The following FBLN1 variants were observed in gnomAD, a reference collection of about 807,000 sequenced individuals.
FBLN1 encodes the protein fibulin 1.
FBLN1 carries 34 observed loss-of-function variants against 89.7 expected under a neutral mutation model. The observed-to-expected ratio is 0.38, with a 90% CI of 0.29 to 0.50. FBLN1 has a LOEUF of 0.50. Among genes scored for constraint, FBLN1 ranks in the 20% least tolerant of loss-of-function variants. The pLI is 0.92. For missense variants in FBLN1, 777 were observed against 988.1 expected (o/e 0.79, Z 2.86); for synonymous variants, 393 against 391.3 (o/e 1.00, Z -0.05).
intron 1 of FBLN1, among the ~76,000 whole-genome samples, chr22:45,503,879 C>T (rs1478211358): frequency 6.6e-6 from 1 of 152,192 alleles, no homozygotes; most frequent in Non-Finnish European, 1.5e-5. Flanking sequence ...ACCCAGCCCG[C>T]GCTTTTCTCC....
In FBLN1 at chr22:45,537,614, T is replaced by C. The variant is rs1323150073; in HGVS notation, c.922+2277T>C. ...CAGCCTGGACAACAGAGCAAGACTC[T>C]GTGTCAAAAAAAAAAAAAAAGATAA... On this transcript the variant is annotated intron_variant, in intron 8 of 16. Coordinates refer to ENST00000327858, the MANE Select transcript of FBLN1 (RefSeq NM_006486.3). This position sits in a 1 kb window ranked among gnomAD's most constrained non-coding sequence, Gnocchi z 5.7. Among the ~76,000 whole-genome samples the C allele has an allele frequency of 7.4e-6, 1 of 134,696 alleles. No individual in the cohort carries two copies. Among genetic ancestry groups the C allele is most frequent in the African/African-American group, 2.7e-5 (1 of 36,900 alleles). 88.4% of individuals were successfully genotyped at this position (134,696 alleles called of 152,430 possible). A position where few individuals can be genotyped will look rare whatever the true frequency, so the allele number is the denominator to read the frequency against.
At chr22:45,509,121 C>T (rs1852550185) in intron 1 of FBLN1, among the ~76,000 whole-genome samples, 1 of 152,036 alleles carries the variant, frequency 6.6e-6, no homozygotes, top group Non-Finnish European at 1.5e-5. Flanking sequence ...GTTCCAAATG[C>T]CAGGTGCAGA....
At chr22:45,522,708 C>T (rs2088267270) in intron 2 of FBLN1, among the ~76,000 whole-genome samples, 1 of 152,190 alleles carries the variant, frequency 6.6e-6, no homozygotes, top group African/African-American at 2.4e-5. Flanking sequence ...CCTTGGGATC[C>T]AGATCTAAAT....
chr22:45,540,242 G>A (rs1277884499), intron 8 of FBLN1, among the ~76,000 whole-genome samples: 1 of 152,178 alleles, frequency 6.6e-6, no homozygotes, highest in Non-Finnish European at 1.5e-5. Context: ...TTCAGTCTCC[G>A]GACCTTGGTT....
chr22:45,545,475 C>T lies in FBLN1; in HGVS notation c.1322-1610C>T, dbSNP rs1030566067. ...GTAGTGGGATTCCTGGCTTGTGCTTCCTCTAGTCATTCATAAATTGCTGAA... is the reference window on the plus strand; with the variant it reads ...GTAGTGGGATTCCTGGCTTGTGCTTTCTCTAGTCATTCATAAATTGCTGAA... On this transcript the variant is annotated intron_variant, in intron 11 of 16. Coordinates refer to ENST00000327858, the MANE Select transcript of FBLN1 (RefSeq NM_006486.3). This position sits in a 1 kb window ranked among gnomAD's most constrained non-coding sequence, Gnocchi z 5.9. Among the ~76,000 whole-genome samples the T allele has an allele frequency of 6.6e-6, 1 of 152,188 alleles. No homozygotes were observed. The highest frequency in any genetic ancestry group is 2.4e-5 in the African/African-American group (1 of 41,446).
Position 45,546,301 on chromosome 22 carries a change from T to TCC in FBLN1, c.1322-783_1322-782insCC, listed in dbSNP as rs2088626327. 5.9e-5 allele frequency among the ~76,000 whole-genome samples: 9 copies of TCC among 152,348 alleles called. No homozygotes were observed. In the South Asian group the frequency reaches 1.9e-3, roughly 32 times the overall value. On this transcript the variant is annotated intron_variant, in intron 11 of 16. Transcript: ENST00000327858. The stretch of plus-strand genomic sequence containing the variant: ...GGTGTGATCTTGGCTCACTGCAACC[T>TCC]CTGCCTCCTTGTTCAAGCAATTCTC...
Position 45,600,348 on chromosome 22 carries a change from G to A in FBLN1, c.2014G>A (p.Ala672Thr). Residue 672 changes from alanine (A) to threonine (T), a missense_variant, in exon 17 of 17, where the codon GCC (alanine) becomes ACC (threonine). By Grantham distance (58) the Ala-to-Thr change is moderately conservative. Transcript: ENST00000327858. Reference protein sequence around the residue: ...QVRPIVGPFHAVLKLEMNYVV... With the variant: ...QVRPIVGPFHTVLKLEMNYVV... ...GCGGCCCATCGTGGGCCCATTTCAT[G>A]CCGTCCTGAAGCTGGAGATGAACTA... 6.2e-7 allele frequency: 1 copy of A among 1,614,186 alleles called. No homozygotes were observed. Among genetic ancestry groups the A allele is most frequent in the Non-Finnish European group, 8.5e-7 (1 of 1,180,038 alleles).
intron 16 of FBLN1, among the ~76,000 whole-genome samples, chr22:45,587,866 C>T (rs1399559845): frequency 6.6e-6 from 1 of 152,184 alleles, no homozygotes; most frequent in East Asian, 1.9e-4. Context: ...GCCGTCCACA[C>T]GCTCCACATG....
At chr22:45,516,063 C>G (rs1000321523) in intron 1 of FBLN1, among the ~76,000 whole-genome samples, 7 of 152,062 alleles carry the variant, frequency 4.6e-5, no homozygotes, top group Non-Finnish European at 2.9e-5. Flanking sequence ...AGACATGCGC[C>G]AGGCACGGGG....
Position 45,557,807 on chromosome 22 carries a change from C to G in FBLN1, c.1697+7192C>G, listed in dbSNP as rs2088807542. Among the ~76,000 whole-genome samples, 1 of 152,194 alleles carries G rather than the reference C, an allele frequency of 6.6e-6. No individual in the cohort carries two copies. The highest frequency in any genetic ancestry group is 1.5e-5 in the Non-Finnish European group (1 of 68,036). On this transcript the variant is annotated intron_variant, in intron 14 of 16. Coordinates refer to ENST00000327858, the MANE Select transcript of FBLN1 (RefSeq NM_006486.3). The surrounding 1 kb of genome is among the most constrained non-coding windows in gnomAD (Gnocchi z 4.9). ...TTTTCCAATCATGCTTCTTCCAAGTCCCTGACCATCCAGCCAAACCATTGG... is the reference window on the plus strand; with the variant it reads ...TTTTCCAATCATGCTTCTTCCAAGTGCCTGACCATCCAGCCAAACCATTGG...
At chr22:45,523,240 G>C (rs747606128) in intron 2 of FBLN1, 1 of 747,848 alleles carries the variant, frequency 1.3e-6, no homozygotes, top group Admixed American at 1.8e-5. Flanking sequence ...GGCTGGAGTG[G>C]AGCCAGCAAC....
chr22:45,521,571 T>C (rs79025397), intron 2 of FBLN1, among the ~76,000 whole-genome samples: 5,636 of 152,302 alleles, frequency 0.037, 148 homozygotes, highest in Non-Finnish European at 0.054. Flanking sequence ...TTTACCCTGT[T>C]CTCACTGGGG....
rs544195932 is a variant in FBLN1, at chr22:45,581,696, G to A, written c.1972+4588G>A. On this transcript the variant is annotated intron_variant, in intron 16 of 16. Coordinates refer to ENST00000327858, the MANE Select transcript of FBLN1 (RefSeq NM_006486.3). This position sits in a 1 kb window ranked among gnomAD's most constrained non-coding sequence, Gnocchi z 7.6. Reference sequence around the variant, plus strand: ...CTCCTGTCGCACGGGCATGACCATGGGGCAGTCAGGGGAGGCTTCCTGGAA... The same window carrying A: ...CTCCTGTCGCACGGGCATGACCATGAGGCAGTCAGGGGAGGCTTCCTGGAA... Among the ~76,000 whole-genome samples, 5 of 152,198 alleles carry A rather than the reference G, an allele frequency of 3.3e-5. No individual in the cohort carries two copies. The East Asian group carries it at 9.8e-4, about 30-fold the overall frequency.
rs1329131652 is a variant in FBLN1, at chr22:45,532,774, C to A, written c.545-289C>A. ...TGTCTGTGACCGGCAGTGAGCTCTT[C>A]TCTGCTTCGCCCCTTCCAGGTCCAC... On this transcript the variant is annotated intron_variant, in intron 5 of 16. Transcript: ENST00000327858. This position sits in a 1 kb window ranked among gnomAD's most constrained non-coding sequence, Gnocchi z 4.2. 3.9e-6 allele frequency: 2 copies of A among 518,026 alleles called. No homozygotes were observed. The allele number at this position is 518,026 out of a possible 1,614,324, so 32.1% of individuals were successfully genotyped here. A position where few individuals can be genotyped will look rare whatever the true frequency, so the allele number is the denominator to read the frequency against.
Position 45,600,588 on chromosome 22 carries a change from C to CT in FBLN1, c.*142_*143insT. 2.1e-6 allele frequency: 2 copies of CT among 944,852 alleles called. No individual in the cohort carries two copies. The highest frequency in any genetic ancestry group is 3.4e-6 in the Non-Finnish European group (2 of 580,012). 58.5% of individuals were successfully genotyped at this position (944,852 alleles called of 1,614,324 possible). A position where few individuals can be genotyped will look rare whatever the true frequency, so the allele number is the denominator to read the frequency against. ...TTAGGCCAACATGTATTAAGCTGAG[C>CT]CAGATGAATAAGTCCATCTGATGTA... On this transcript the variant is annotated 3_prime_UTR_variant, in exon 17 of 17. Coordinates refer to ENST00000327858, the MANE Select transcript of FBLN1 (RefSeq NM_006486.3).
chr22:45,552,574 A>C (rs1418479998), intron 14 of FBLN1, among the ~76,000 whole-genome samples: 1 of 152,228 alleles, frequency 6.6e-6, no homozygotes. Context: ...TAAAATCTAA[A>C]AGAGCCATAT....
chr22:45,595,039 G>A (rs2146668669), intron 16 of FBLN1, among the ~76,000 whole-genome samples: 1 of 152,352 alleles, frequency 6.6e-6, no homozygotes, highest in South Asian at 2.1e-4. Flanking sequence ...CTTTCATGAA[G>A]TCCTCCCTAG....
In FBLN1 at chr22:45,562,795, C is replaced by G; in HGVS notation, c.1698-11716C>G. ...GTGCCCTTCGTGTTGGCTGAATCGG[C>G]CAGAGGGGCGGCGGGAGGCCCCGCC... On this transcript the variant is annotated intron_variant, in intron 14 of 16. Transcript: ENST00000327858. This position sits in a 1 kb window ranked among gnomAD's most constrained non-coding sequence, Gnocchi z 7.8. 1 of 1,007,952 alleles carries G rather than the reference C, an allele frequency of 9.9e-7. No individual in the cohort carries two copies. The highest frequency in any genetic ancestry group is 1.7e-5 in the Admixed American group (1 of 59,088). 62.4% of individuals were successfully genotyped at this position (1,007,952 alleles called of 1,614,324 possible).
Position 45,530,529 on chromosome 22 carries a change from T to C in FBLN1, c.485-736T>C, listed in dbSNP as rs1263561135. ...CAGACCAGTGCTGGCCTGCGACAAA[T>C]AAGTACAGAAATGGAGAATAACCCT... On this transcript the variant is annotated intron_variant, in intron 4 of 16. Transcript: ENST00000327858. The surrounding 1 kb of genome is among the most constrained non-coding windows in gnomAD (Gnocchi z 5.4). Among the ~76,000 whole-genome samples, 1 of 152,044 alleles carries C rather than the reference T, an allele frequency of 6.6e-6. No homozygotes were observed. Among genetic ancestry groups the C allele is most frequent in the Non-Finnish European group, 1.5e-5 (1 of 68,020 alleles).
Sources: allele counts gnomAD v4.1 joint callset (sites outside exome capture counted in the v4.1 genomes callset), GRCh38; gene constraint gnomAD v4.1.1; non-coding constraint Gnocchi (gnomAD v3.1); transcripts MANE v1.5; gene names NCBI Gene and HGNC (gene_info 2026-07-23, HGNC 2026-07-21).